ST3GAL3: variants seen among roughly 807,000 people sequenced by gnomAD.
The protein encoded by ST3GAL3 is ST3 beta-galactoside alpha-2,3-sialyltransferase 3, also known as CMP-N-acetylneuraminate-beta-1,4-galactoside alpha-2,3-sialyltransferase.
In ST3GAL3, 21 loss-of-function variants were observed where a neutral mutation model predicts 50.1. The observed-to-expected ratio is 0.42, with a 90% CI of 0.30 to 0.60. ST3GAL3 has a LOEUF of 0.60. Ranked by LOEUF, ST3GAL3 falls within the 20% of genes least tolerant of loss-of-function variation. The pLI is 0.19. For synonymous variants in ST3GAL3, 183 were observed against 190.0 expected, an observed-to-expected ratio of 0.96 and a Z score of 0.30; for missense variants, 353 against 489.4, an observed-to-expected ratio of 0.72 and a Z score of 2.63.
At chr1:43,798,622 A>G (rs186946253) in intron 3 of ST3GAL3, among the ~76,000 whole-genome samples, 35 of 152,236 alleles carry the variant, frequency 2.3e-4, no homozygotes, top group African/African-American at 8.4e-4. Context: ...CCTCCGCCAG[A>G]AGGTCTTCCC....
At chr1:43,708,414 A>G (rs1169473642) in intron 1 of ST3GAL3, among the ~76,000 whole-genome samples, 1 of 152,210 alleles carries the variant, frequency 6.6e-6, no homozygotes, top group African/African-American at 2.4e-5. Context: ...GAAGGCGGCT[A>G]TTACCTCAGA....
chr1:43,894,594 C>G, intron 6 of ST3GAL3, 117 bp downstream of exon 6: 3 of 900,666 alleles, frequency 3.3e-6, no homozygotes, highest in Non-Finnish European at 5.5e-6. Flanking sequence ...TTCCTCTACT[C>G]TCAACAAATC....
At chr1:43,787,950 C>T (rs563235856) in intron 2 of ST3GAL3, among the ~76,000 whole-genome samples, 149 of 152,296 alleles carry the variant, frequency 9.8e-4, no homozygotes, top group African/African-American at 3.5e-3. Flanking sequence ...AGCTCAACAG[C>T]GTTTCAGCAT....
At chr1:43,854,892 G>A (rs892585324) in intron 5 of ST3GAL3, among the ~76,000 whole-genome samples, 1 of 152,040 alleles carries the variant, frequency 6.6e-6, no homozygotes, top group Non-Finnish European at 1.5e-5. Flanking sequence ...TCTTCTTTCC[G>A]AGGTCAGTTC....
intron 11 of ST3GAL3, among the ~76,000 whole-genome samples, chr1:43,925,426 G>A (rs1053841207): frequency 6.6e-6 from 1 of 152,074 alleles, no homozygotes; most frequent in Non-Finnish European, 1.5e-5. Flanking sequence ...ACCTCCTAGG[G>A]TTTGGAAAGG....
intron 2 of ST3GAL3, among the ~76,000 whole-genome samples, chr1:43,785,930 A>C (rs571186607): frequency 6.6e-6 from 1 of 152,298 alleles, no homozygotes; most frequent in East Asian, 1.9e-4. Flanking sequence ...CCATTTGCCC[A>C]AGCCCAAGCT....
At chr1:43,734,321 T>TTTTTTTTTTTG in intron 1 of ST3GAL3, among the ~76,000 whole-genome samples, 1 of 146,774 alleles carries the variant, frequency 6.8e-6, no homozygotes. Context: ...TTTTTTTTTT[T>TTTTTTTTTTTG]TGAGACAGGG....
At chr1:43,906,254 TTCCCCTGAC>T (rs2079626520) in intron 9 of ST3GAL3, among the ~76,000 whole-genome samples, 1 of 121,362 alleles carries the variant, frequency 8.2e-6, no homozygotes. Context: ...CCTGCCACTC[TTCCCCTGAC>T]TCCTCCTCCT....
chr1:43,855,276 A>G (rs2068116097), intron 5 of ST3GAL3, among the ~76,000 whole-genome samples: 1 of 152,122 alleles, frequency 6.6e-6, no homozygotes. Flanking sequence ...CATAATTCCA[A>G]AAGACACAAT....
At chr1:43,890,330 T>G (rs2076526480) in intron 5 of ST3GAL3, among the ~76,000 whole-genome samples, 4 of 152,336 alleles carry the variant, frequency 2.6e-5, no homozygotes, top group Non-Finnish European at 4.4e-5. Context: ...TGAAAATTGC[T>G]GAATCTGGGT....
intron 1 of ST3GAL3, among the ~76,000 whole-genome samples, chr1:43,723,434 T>G (rs970287425): frequency 2.0e-5 from 3 of 151,878 alleles, no homozygotes; most frequent in Non-Finnish European, 4.4e-5. Context: ...GCATGTGATA[T>G]CTGCTCCCTT....
chr1:43,917,567 T>C, intron 9 of ST3GAL3, among the ~76,000 whole-genome samples: 1 of 81,642 alleles, frequency 1.2e-5, no homozygotes, highest in South Asian at 2.7e-4. Context: ...TATATTATAT[T>C]ATATAATATA....
intron 5 of ST3GAL3, among the ~76,000 whole-genome samples, chr1:43,852,324 G>C (rs2067486118): frequency 1.3e-5 from 2 of 152,318 alleles, no homozygotes; most frequent in Admixed American, 6.5e-5. Context: ...TAAATTTTGA[G>C]TTAGGTCTTT....
At chr1:43,772,909 G>T (rs1417727979) in intron 2 of ST3GAL3, among the ~76,000 whole-genome samples, 2 of 152,092 alleles carry the variant, frequency 1.3e-5, no homozygotes, top group Non-Finnish European at 2.9e-5. Flanking sequence ...ACCAGGCCCA[G>T]CTGATTTTTT....
intron 2 of ST3GAL3, among the ~76,000 whole-genome samples, chr1:43,750,787 A>ACTTAGGAGGCT (rs1286172512): frequency 5.6e-4 from 85 of 151,986 alleles, no homozygotes; most frequent in African/African-American, 2.0e-3. Context: ...AGTCTCAGCT[A>ACTTAGGAGGCT]CTTAGGAGGC....
At chr1:43,919,829 A>G (rs1032957942) in intron 9 of ST3GAL3, 4 of 170,530 alleles carry the variant, frequency 2.3e-5, no homozygotes, top group African/African-American at 9.6e-5. Context: ...TTATGGTTAA[A>G]GAAACAGGCT....
At chr1:43,823,464 G>T (rs2062374100) in intron 4 of ST3GAL3, among the ~76,000 whole-genome samples, 1 of 152,208 alleles carries the variant, frequency 6.6e-6, no homozygotes, top group South Asian at 2.1e-4. Flanking sequence ...GATACCTGAA[G>T]AGATTGCGCA....
intron 2 of ST3GAL3, among the ~76,000 whole-genome samples, chr1:43,770,202 AGAGAGAAGTGAGGAGAG>A (rs1694544640): frequency 7.2e-6 from 1 of 139,462 alleles, no homozygotes; most frequent in Non-Finnish European, 1.6e-5. Flanking sequence ...GAGAGGAGAC[AGAGAGAAGTGAGGAGAG>A]GAGAGGGGAG....
intron 5 of ST3GAL3, chr1:43,851,309 G>T: frequency 6.5e-7 from 1 of 1,532,576 alleles, no homozygotes; most frequent in Non-Finnish European, 9.0e-7. Context: ...ACCCCCATCT[G>T]GCAGGTCCAG....
Sources: allele counts gnomAD v4.1 joint callset (sites outside exome capture counted in the v4.1 genomes callset), GRCh38; gene constraint gnomAD v4.1.1; transcripts MANE v1.5; gene names NCBI Gene and HGNC (gene_info 2026-07-23, HGNC 2026-07-21).